TENM3: variants seen among roughly 807,000 people sequenced by gnomAD.
TENM3 encodes the protein teneurin transmembrane protein 3.
TENM3 carries 63 observed loss-of-function variants against 255.1 expected under a neutral mutation model. The ratio of observed to expected loss-of-function variants is 0.25; its 90% CI spans 0.20 to 0.30. The LOEUF (loss-of-function observed/expected upper bound fraction) is 0.30. TENM3 is among the 10% of genes least tolerant of loss of function. TENM3 has a pLI of 1.00. For missense variants in TENM3, 2,929 were observed against 3,461.1 expected (o/e 0.85, Z 3.86); for synonymous variants, 1,306 against 1,322.3 (o/e 0.99, Z 0.27).
the TENM3 span, among the ~76,000 whole-genome samples, chr4:182,009,054 T>C: frequency 2.6e-5 from 4 of 152,156 alleles, no homozygotes; most frequent in African/African-American, 9.7e-5. Flanking sequence ...GATTTGCTCC[T>C]GTGCCTGGAG....
chr4:182,385,080 C>A (rs761455958), intron 3 of TENM3, among the ~76,000 whole-genome samples: 4 of 152,044 alleles, frequency 2.6e-5, no homozygotes, highest in Non-Finnish European at 4.4e-5. Context: ...TGTCCCCCAG[C>A]ATTGTTGTAA....
chr4:181,774,012 T>C, the TENM3 span, among the ~76,000 whole-genome samples: 3 of 130,960 alleles, frequency 2.3e-5, no homozygotes, highest in South Asian at 4.8e-4. Context: ...TGTTTTTTTT[T>C]TTTTTTTTTT....
chr4:182,688,973 A>G (rs896621332), intron 12 of TENM3, among the ~76,000 whole-genome samples: 1 of 152,212 alleles, frequency 6.6e-6, no homozygotes, highest in African/African-American at 2.4e-5. Flanking sequence ...CATCAGATAG[A>G]TGTTTCAGAT....
intron 1 of TENM3, among the ~76,000 whole-genome samples, chr4:182,188,006 C>T (rs996820094): frequency 6.6e-6 from 1 of 152,036 alleles, no homozygotes; most frequent in Non-Finnish European, 1.5e-5. Flanking sequence ...TTTCCAAGAC[C>T]TTTCTGTACT....
chr4:181,859,097 C>T, the TENM3 span, among the ~76,000 whole-genome samples: 1 of 151,620 alleles, frequency 6.6e-6, no homozygotes, highest in Non-Finnish European at 1.5e-5. Context: ...GTCAAAATTC[C>T]CTCATTTTTG....
intron 3 of TENM3, among the ~76,000 whole-genome samples, chr4:182,412,735 C>G (rs1770081171): frequency 1.3e-5 from 2 of 151,184 alleles, no homozygotes; most frequent in Non-Finnish European, 3.0e-5. Flanking sequence ...TGGGTTAGCA[C>G]TCACCTGTAG....
At chr4:182,190,214 T>A (rs1753426404) in intron 1 of TENM3, 1 of 152,232 alleles carries the variant, frequency 6.6e-6, no homozygotes, top group South Asian at 2.1e-4. Context: ...CATGAAATTC[T>A]AGATCTCTGG....
the TENM3 span, among the ~76,000 whole-genome samples, chr4:181,605,614 AAAAG>A: frequency 4.7e-5 from 5 of 106,544 alleles, no homozygotes; most frequent in Non-Finnish European, 1.2e-4. Context: ...AGAAAGAAAG[AAAAG>A]AAAGAACAAG....
At chr4:181,544,786 T>A in the TENM3 span, among the ~76,000 whole-genome samples, 2 of 152,120 alleles carry the variant, frequency 1.3e-5, no homozygotes, top group Non-Finnish European at 2.9e-5. Flanking sequence ...CCACATGTAG[T>A]CCATGAGAAA....
At chr4:182,694,197 C>T (rs1271774288) in intron 12 of TENM3, among the ~76,000 whole-genome samples, 4 of 152,028 alleles carry the variant, frequency 2.6e-5, no homozygotes, top group Non-Finnish European at 5.9e-5. Flanking sequence ...GCAGCCTCTG[C>T]CTCCTGAGCC....
intron 9 of TENM3, 32 bp downstream of exon 9, chr4:182,680,381 TATAA>T: frequency 6.7e-7 from 1 of 1,483,234 alleles, no homozygotes; most frequent in Non-Finnish European, 9.2e-7. Flanking sequence ...CTTAAGCCGA[TATAA>T]ATAAGCTGTA....
chr4:182,098,128 G>A, the TENM3 span, among the ~76,000 whole-genome samples: 2 of 152,086 alleles, frequency 1.3e-5, no homozygotes, highest in Non-Finnish European at 2.9e-5. Flanking sequence ...CAAAACCACA[G>A]TGAGATATTA....
At chr4:181,493,457 G>A in the TENM3 span, among the ~76,000 whole-genome samples, 7 of 152,184 alleles carry the variant, frequency 4.6e-5, no homozygotes, top group Non-Finnish European at 8.8e-5. Context: ...ACGACCAGGC[G>A]TGGTGGCTCA....
the TENM3 span, among the ~76,000 whole-genome samples, chr4:181,575,756 A>G: frequency 1.4e-4 from 21 of 152,268 alleles, 1 homozygote; most frequent in East Asian, 1.5e-3. Flanking sequence ...TAGAATTTCA[A>G]AGTATGGCTT....
At chr4:181,682,707 T>A in the TENM3 span, among the ~76,000 whole-genome samples, 1 of 152,166 alleles carries the variant, frequency 6.6e-6, no homozygotes, top group African/African-American at 2.4e-5. Flanking sequence ...ATAAGTAGAA[T>A]GAATTAAATT....
At chr4:182,341,099 G>A (rs375383525) in intron 2 of TENM3, among the ~76,000 whole-genome samples, 4 of 152,110 alleles carry the variant, frequency 2.6e-5, no homozygotes, top group Admixed American at 6.5e-5. Flanking sequence ...TACAATAAAC[G>A]AGGAAGGATT....
At chr4:182,034,275 A>C in the TENM3 span, among the ~76,000 whole-genome samples, 1 of 152,184 alleles carries the variant, frequency 6.6e-6, no homozygotes, top group Non-Finnish European at 1.5e-5. Context: ...GGGTGGGGAC[A>C]CAGCCAAACC....
chr4:182,130,770 T>C, the TENM3 span, among the ~76,000 whole-genome samples: 47 of 152,246 alleles, frequency 3.1e-4, no homozygotes, highest in East Asian at 5.6e-3. Flanking sequence ...TAGCATCATT[T>C]CACACAAATC....
the TENM3 span, among the ~76,000 whole-genome samples, chr4:181,521,991 C>T: frequency 1.7e-4 from 25 of 150,386 alleles, no homozygotes; most frequent in African/African-American, 5.6e-4. Flanking sequence ...GTCCCAGCTA[C>T]TCGGGAGGCT....
Sources: gnomAD v4.1 joint callset for allele counts (sites outside exome capture counted in the v4.1 genomes callset) on GRCh38, gnomAD v4.1.1 for gene constraint, MANE v1.5 for transcripts, NCBI Gene and HGNC (gene_info 2026-07-23, HGNC 2026-07-21) for gene names.